Variants in SBF2 observed in about 807,000 individuals in gnomAD.
SBF2 encodes the protein myotubularin-related protein 13.
A neutral mutation model predicts 225.2 loss-of-function variants in SBF2; 112 were observed. The ratio of observed to expected loss-of-function variants is 0.50; its 90% CI spans 0.43 to 0.58. The LOEUF is 0.58. Among genes scored for constraint, SBF2 ranks in the 20% least tolerant of loss-of-function variants. The pLI, the probability that SBF2 is intolerant of heterozygous loss-of-function variation, is 0.00. For synonymous variants in SBF2, 763 were observed against 773.3 expected, an observed-to-expected ratio of 0.99 and a Z score of 0.22; for missense variants, 1,996 against 2,206.2, an observed-to-expected ratio of 0.90 and a Z score of 1.91.
chr11:10,137,517 T>C (rs1954437632), intron 2 of SBF2, among the ~76,000 whole-genome samples: 1 of 152,228 alleles, frequency 6.6e-6, no homozygotes, highest in Admixed American at 6.5e-5. Flanking sequence ...GTAAGTATAA[T>C]GTTACCTTCG....
At chr11:10,183,063 G>C (rs182158704) in intron 2 of SBF2, among the ~76,000 whole-genome samples, 150 of 152,216 alleles carry the variant, frequency 9.9e-4, no homozygotes, top group Middle Eastern at 6.8e-3. Context: ...GAGCCACTGT[G>C]CCTGGCCAGT....
chr11:10,170,800 T>C (rs1371447650), intron 2 of SBF2, among the ~76,000 whole-genome samples: 1 of 149,390 alleles, frequency 6.7e-6, no homozygotes, highest in East Asian at 1.9e-4. Flanking sequence ...TCTTTCCTTT[T>C]TTTGTGTGTC....
rs181284878 is a variant in SBF2, at chr11:9,884,711, C to A, written c.1929+11232G>T. Among the ~76,000 whole-genome samples the A allele has an allele frequency of 8.2e-3, 1,252 of 152,296 alleles. 17 individuals are homozygous for A. The highest frequency in any genetic ancestry group is 0.029 in the African/African-American group (1,195 of 41,558). On this transcript the variant is annotated intron_variant, in intron 17 of 39. Coordinates refer to ENST00000256190, the MANE Select transcript of SBF2 (RefSeq NM_030962.4). ...TGGCTCAGAAGAGTCCCTATCTGCT[C>A]AAGTCTTATGGGAGGCACTGTAGTT...
intron 1 of SBF2, among the ~76,000 whole-genome samples, chr11:10,222,429 T>C (rs921858647): frequency 1.8e-4 from 27 of 151,896 alleles, no homozygotes; most frequent in African/African-American, 3.9e-4. Flanking sequence ...AACAAAGCAA[T>C]AGAAACCTAA....
intron 6 of SBF2, among the ~76,000 whole-genome samples, chr11:10,024,435 A>G (rs1306972891): frequency 6.6e-6 from 1 of 152,154 alleles, no homozygotes; most frequent in East Asian, 1.9e-4. Flanking sequence ...ACCAGTACTC[A>G]GGGAAGCACT....
chr11:9,822,258 C>CTTTT (rs1210806960), intron 28 of SBF2, among the ~76,000 whole-genome samples: 10 of 129,410 alleles, frequency 7.7e-5, no homozygotes, highest in Non-Finnish European at 1.3e-4. Context: ...TAACTAAACT[C>CTTTT]TTTTTTTTTT....
At chr11:9,883,300 A>AC (rs1859982734) in intron 17 of SBF2, among the ~76,000 whole-genome samples, 1 of 152,022 alleles carries the variant, frequency 6.6e-6, no homozygotes, top group Admixed American at 6.5e-5. Context: ...GAAAAAAAAA[A>AC]CAGCCAAAAC....
At position 9,930,326 on chromosome 11, in the gene SBF2, C is replaced by A. The variant is rs547441272; in HGVS notation, c.1860+31631G>T. ...ATGATCTATTGATGCATACTACATA[C>A]ATCAAAATAATGATGCTGAGTAAAA... On this transcript the variant is annotated intron_variant, in intron 16 of 39. Coordinates refer to ENST00000256190, the MANE Select transcript of SBF2 (RefSeq NM_030962.4). Among the ~76,000 whole-genome samples, 4 of 152,166 alleles carry A rather than the reference C, an allele frequency of 2.6e-5. No individual in the cohort carries two copies. In the South Asian group the frequency reaches 6.2e-4, roughly 24 times the overall value.
chr11:9,828,803 A>G (rs1855212692), intron 28 of SBF2, among the ~76,000 whole-genome samples: 2 of 152,280 alleles, frequency 1.3e-5, no homozygotes, highest in South Asian at 4.1e-4. Context: ...ATTCCATGTC[A>G]TAAGAATATT....
intron 14 of SBF2, among the ~76,000 whole-genome samples, chr11:9,967,521 T>C (rs913954337): frequency 1.3e-5 from 2 of 152,206 alleles, no homozygotes; most frequent in African/African-American, 4.8e-5. Context: ...CGTAAAGCTA[T>C]GAAGACAGAA....
chr11:10,084,256 A>G (rs980829695), intron 2 of SBF2, among the ~76,000 whole-genome samples: 1 of 152,214 alleles, frequency 6.6e-6, no homozygotes, highest in Non-Finnish European at 1.5e-5. Flanking sequence ...TGGAAAAAAA[A>G]AAGTGTGCAA....
At chr11:10,130,536 A>G (rs760357207) in intron 2 of SBF2, among the ~76,000 whole-genome samples, 2 of 152,136 alleles carry the variant, frequency 1.3e-5, no homozygotes, top group Admixed American at 6.5e-5. Context: ...ATATAATACA[A>G]TATCAAAACC....
chr11:9,858,165 T>C, intron 18 of SBF2, 61 bp downstream of exon 18: 1 of 1,600,382 alleles, frequency 6.2e-7, no homozygotes, highest in Non-Finnish European at 8.5e-7. Context: ...TGGGAACATC[T>C]GCTTTCCTTA....
Position 9,968,548 on chromosome 11 carries a change from G to A in SBF2, c.1396-3C>T, listed in dbSNP as rs375346684. 6 of 1,610,316 alleles carry A rather than the reference G, an allele frequency of 3.7e-6. No individual in the cohort carries two copies. The highest frequency in any genetic ancestry group is 5.1e-6 in the Non-Finnish European group (6 of 1,176,688). Reference sequence around the variant, plus strand: ...GCCATATGAGGATTTGGATTCTCCTGTAATATCAGACATAGGTAAAATTAC... The same window carrying A: ...GCCATATGAGGATTTGGATTCTCCTATAATATCAGACATAGGTAAAATTAC... On this transcript the variant is annotated splice_region_variant and splice_polypyrimidine_tract_variant and intron_variant, in intron 13 of 39. Transcript: ENST00000256190.
intron 32 of SBF2, among the ~76,000 whole-genome samples, chr11:9,798,072 A>G (rs1853243013): frequency 6.7e-6 from 1 of 148,560 alleles, no homozygotes; most frequent in Non-Finnish European, 1.5e-5. Context: ...TTAAGGATCA[A>G]TATTAAAAAA....
At chr11:10,252,795 T>C (rs1330012277) in intron 1 of SBF2, among the ~76,000 whole-genome samples, 2 of 146,996 alleles carry the variant, frequency 1.4e-5, no homozygotes, top group Non-Finnish European at 3.0e-5. Flanking sequence ...CACTCCAGCC[T>C]GGGCAAAAAT....
At chr11:9,829,879 A>G (rs1303424000) in intron 27 of SBF2, among the ~76,000 whole-genome samples, 2 of 152,226 alleles carry the variant, frequency 1.3e-5, no homozygotes, top group Non-Finnish European at 2.9e-5. Flanking sequence ...ATATCCCCCA[A>G]CCATCCTGAC....
intron 32 of SBF2, among the ~76,000 whole-genome samples, chr11:9,804,028 T>C (rs916558158): frequency 3.3e-5 from 5 of 152,112 alleles, no homozygotes; most frequent in Non-Finnish European, 5.9e-5. Flanking sequence ...ATCGTGGGAC[T>C]AGCTGGAAGT....
chr11:9,815,757 T>G (rs1854424996), intron 29 of SBF2, among the ~76,000 whole-genome samples: 1 of 152,258 alleles, frequency 6.6e-6, no homozygotes, highest in Non-Finnish European at 1.5e-5. Context: ...AAAAGGGTTC[T>G]ATTTTTTGGA....
Sources: allele counts gnomAD v4.1 joint callset (sites outside exome capture counted in the v4.1 genomes callset), GRCh38; gene constraint gnomAD v4.1.1; transcripts MANE v1.5; gene names NCBI Gene and HGNC (gene_info 2026-07-23, HGNC 2026-07-21).